The following WDFY4 variants were observed in gnomAD, a reference collection of about 807,000 sequenced individuals.
WDFY4 encodes WD repeat- and FYVE domain-containing protein 4.
A neutral mutation model predicts 351.9 loss-of-function variants in WDFY4; 169 were observed. That is an observed-to-expected ratio of 0.48 (90% CI 0.42 to 0.55). The LOEUF (loss-of-function observed/expected upper bound fraction) is 0.55, where lower values mean the gene tolerates loss of function less well. Ranked by LOEUF, WDFY4 falls within the 20% of genes least tolerant of loss-of-function variation. The pLI is 0.00. For synonymous variants in WDFY4, 1,622 were observed against 1,574.6 expected (o/e 1.03, Z -0.71); for missense variants, 3,803 against 3,935.6 (o/e 0.97, Z 0.90).
At chr10:48,727,319 C>T in intron 6 of WDFY4, 151 bp from the exon 7 acceptor site, 1 of 858,556 alleles carries the variant, frequency 1.2e-6, no homozygotes, top group South Asian at 1.8e-5. Flanking sequence ...CTGGGGTGGT[C>T]TTCCTGATCC....
chr10:48,703,107 C>T (rs944686634), intron 1 of WDFY4, among the ~76,000 whole-genome samples: 1 of 152,138 alleles, frequency 6.6e-6, no homozygotes, highest in Non-Finnish European at 1.5e-5. Flanking sequence ...TGATGTGAAA[C>T]CATGGGGAAG....
At chr10:48,781,708 T>C (rs2066231332) in intron 19 of WDFY4, among the ~76,000 whole-genome samples, 1 of 152,266 alleles carries the variant, frequency 6.6e-6, no homozygotes, top group African/African-American at 2.4e-5. Flanking sequence ...TCTCTCTTTC[T>C]TCTTTTCCTC....
intron 31 of WDFY4, among the ~76,000 whole-genome samples, chr10:48,815,668 A>C (rs1025159392): frequency 2.0e-5 from 3 of 152,072 alleles, no homozygotes; most frequent in Non-Finnish European, 4.4e-5. Context: ...CATGTTGGCC[A>C]GGCTCAGAAG....
intron 23 of WDFY4, among the ~76,000 whole-genome samples, chr10:48,794,693 G>A (rs377095477): frequency 2.0e-5 from 3 of 152,254 alleles, no homozygotes; most frequent in African/African-American, 7.2e-5. Flanking sequence ...TTATGTCAAG[G>A]AATCTGAAAA....
At chr10:48,777,810 C>A (rs2066083720) in intron 17 of WDFY4, among the ~76,000 whole-genome samples, 1 of 152,206 alleles carries the variant, frequency 6.6e-6, no homozygotes, top group Non-Finnish European at 1.5e-5. Flanking sequence ...ATGAGTTGTT[C>A]TTCAACTTTG....
intron 47 of WDFY4, among the ~76,000 whole-genome samples, chr10:48,916,954 G>A (rs1234244516): frequency 6.6e-6 from 1 of 151,510 alleles, no homozygotes; most frequent in Non-Finnish European, 1.5e-5. Flanking sequence ...ATGACAGATT[G>A]CATATATGAC....
chr10:48,811,465 T>C (rs780817076), intron 29 of WDFY4, 74 bp from the exon 30 acceptor site: 89 of 1,378,378 alleles, frequency 6.5e-5, no homozygotes, highest in Non-Finnish European at 8.6e-5. Flanking sequence ...GGGTGTTCCT[T>C]TGTGTGTCCA....
At chr10:48,907,369 G>A (rs567460017) in intron 47 of WDFY4, among the ~76,000 whole-genome samples, 3 of 152,354 alleles carry the variant, frequency 2.0e-5, no homozygotes, top group East Asian at 1.9e-4. Flanking sequence ...GCCACTGGGT[G>A]TGAGATGGTG....
chr10:48,880,641 A>G (rs2070207527), intron 43 of WDFY4, among the ~76,000 whole-genome samples: 1 of 152,198 alleles, frequency 6.6e-6, no homozygotes, highest in African/African-American at 2.4e-5. Flanking sequence ...CAGTACATTC[A>G]GAAGGGAGGG....
At position 48,830,789 on chromosome 10, in the gene WDFY4, G is replaced by T. The variant is rs200617140; in HGVS notation, c.6430G>T (p.Asp2144Tyr). 3 of 1,551,658 alleles carry T rather than the reference G, an allele frequency of 1.9e-6. No individual in the cohort carries two copies. Among genetic ancestry groups the T allele is most frequent in the Non-Finnish European group, 2.6e-6 (3 of 1,146,948 alleles). ...QQTLEDAFKI[D>Y]LSVKPGEREV... ...GACCCTGGAGGATGCCTTCAAGATC[G>T]ATCTCTCTGTGAAACCTGGAGAGAG... Residue 2144 changes from aspartate to tyrosine, a missense_variant, in exon 38 of 62, where the codon GAT (aspartate) becomes TAT (tyrosine). By Grantham distance (160) the Asp-to-Tyr change is radical (BLOSUM62 -3). Transcript: ENST00000325239.
At position 48,964,149 on chromosome 10, in the gene WDFY4, A is replaced by G. The variant is rs532868548; in HGVS notation, c.8436+95A>G. On this transcript the variant is annotated intron_variant, in intron 54 of 61. Transcript: ENST00000325239. ...GGGGTGAAAGTGAAGGAGATGGCTGAAGAGGTGAAATGGTCCCCCATCATC... is the reference window on the plus strand; with the variant it reads ...GGGGTGAAAGTGAAGGAGATGGCTGGAGAGGTGAAATGGTCCCCCATCATC... 185 of 1,365,714 alleles carry G rather than the reference A, an allele frequency of 1.4e-4. No homozygotes were observed. The African/African-American group carries it at 2.5e-3, about 19-fold the overall frequency. 84.6% of individuals were successfully genotyped at this position (1,365,714 alleles called of 1,614,324 possible). A position where few individuals can be genotyped will look rare whatever the true frequency, so the allele number is the denominator to read the frequency against.
intron 1 of WDFY4, among the ~76,000 whole-genome samples, chr10:48,692,135 G>C (rs963849305): frequency 3.9e-5 from 6 of 152,248 alleles, no homozygotes; most frequent in African/African-American, 1.4e-4. Context: ...GCTCCACGTG[G>C]TCTCAGCCTT....
intron 1 of WDFY4, 74 bp from the exon 2 acceptor site, chr10:48,709,642 G>T (rs1166474134): frequency 2.3e-6 from 3 of 1,323,216 alleles, no homozygotes; most frequent in Admixed American, 4.0e-5. Flanking sequence ...AGTGAGTACA[G>T]TACCTTATCC....
intron 47 of WDFY4, among the ~76,000 whole-genome samples, chr10:48,930,450 G>T (rs1369178521): frequency 1.3e-5 from 2 of 152,198 alleles, no homozygotes; most frequent in Non-Finnish European, 2.9e-5. Flanking sequence ...GCACTATGGG[G>T]CTGGAGAGTG....
At chr10:48,833,549 A>C (rs1447084325) in intron 39 of WDFY4, among the ~76,000 whole-genome samples, 1 of 152,216 alleles carries the variant, frequency 6.6e-6, no homozygotes, top group Non-Finnish European at 1.5e-5. Context: ...GCCCAAGTTC[A>C]AGGGAAGGGA....
intron 39 of WDFY4, among the ~76,000 whole-genome samples, chr10:48,857,894 C>T (rs573413781): frequency 9.2e-5 from 14 of 152,048 alleles, no homozygotes; most frequent in South Asian, 4.2e-4. Context: ...CAGGTACAAG[C>T]GATTCTCCTG....
intron 25 of WDFY4, 59 bp from the exon 26 acceptor site, chr10:48,805,201 A>G: frequency 6.6e-7 from 1 of 1,506,096 alleles, no homozygotes. Context: ...TAGCAGAAAC[A>G]CAGCAAATTT....
chr10:48,871,473 C>CCT (rs1564435141), intron 40 of WDFY4, among the ~76,000 whole-genome samples: 1 of 137,132 alleles, frequency 7.3e-6, no homozygotes, highest in African/African-American at 2.6e-5. Flanking sequence ...TGGCCCCCCC[C>CCT]TTTTTTTTTT....
intron 47 of WDFY4, among the ~76,000 whole-genome samples, chr10:48,927,571 C>A (rs1839679628): frequency 6.6e-6 from 1 of 152,210 alleles, no homozygotes; most frequent in Non-Finnish European, 1.5e-5. Flanking sequence ...ATCAACCAAG[C>A]TCTAAGTGTC....
Sources: allele counts gnomAD v4.1 joint callset (sites outside exome capture counted in the v4.1 genomes callset), GRCh38; gene constraint gnomAD v4.1.1; transcripts MANE v1.5; gene names NCBI Gene and HGNC (gene_info 2026-07-23, HGNC 2026-07-21).